Variants in CA9 observed in about 807,000 individuals in gnomAD.
CA9 encodes the protein CA-IX.
A neutral mutation model predicts 51.8 loss-of-function variants in CA9; 43 were observed. The observed-to-expected ratio is 0.83, with a 90% CI of 0.65 to 1.07. CA9 has a LOEUF of 1.07. CA9 is among the 50% of genes least tolerant of loss of function. The probability of loss-of-function intolerance (pLI) is 0.00; values close to 1 mark genes in which losing one functional copy is unlikely to be tolerated. For synonymous variants in CA9, 253 were observed against 244.2 expected, an observed-to-expected ratio of 1.04 and a Z score of -0.34; for missense variants, 574 against 581.4, an observed-to-expected ratio of 0.99 and a Z score of 0.13.
At chr9:35,679,727 C>A in intron 7 of CA9, 127 bp from the exon 8 acceptor site, 1 of 865,116 alleles carries the variant, frequency 1.2e-6, no homozygotes, top group South Asian at 1.9e-5. Context: ...TAAAAGAAAT[C>A]AAGAGGCTGG....
In CA9 at chr9:35,675,779, G is replaced by T. The variant is rs769826532; in HGVS notation, c.452G>T (p.Arg151Leu). ...WRYGGDPPWPRVSPACAGRFQ... is the reference protein window; with the variant it reads ...WRYGGDPPWPLVSPACAGRFQ... ...ACCCCAGGCGACCCGCCCTGGCCCCGGGTGTCCCCAGCCTGCGCGGGCCGC... is the reference window on the plus strand; with the variant it reads ...ACCCCAGGCGACCCGCCCTGGCCCCTGGTGTCCCCAGCCTGCGCGGGCCGC... The change falls in exon 3 of 11, where the codon CGG becomes CTG. Residue 151 changes from arginine (R) to leucine (L), a missense_variant. By Grantham distance (102) the Arg-to-Leu change is moderately radical. Transcript: ENST00000378357. 3.2e-5 allele frequency: 51 copies of T among 1,600,236 alleles called. No homozygotes were observed. The highest frequency in any genetic ancestry group is 4.0e-5 in the Non-Finnish European group (47 of 1,177,882).
chr9:35,675,115 A>AGCCAAGTAGCTG (rs886122169), intron 1 of CA9: 1 of 175,322 alleles, frequency 5.7e-6, no homozygotes, highest in African/African-American at 2.4e-5. Context: ...CTCAGCCTCT[A>AGCCAAGTAGCTG]GCCAAGTAGC....
intron 1 of CA9, 142 bp from the exon 2 acceptor site, chr9:35,675,396 C>G: frequency 1.1e-6 from 1 of 871,700 alleles, no homozygotes. Context: ...GGTGCGGTCT[C>G]CTGTGCTTTG....
At chr9:35,680,589 G>A (rs539948457) in intron 9 of CA9, 164 bp from the exon 10 acceptor site, 91 of 626,966 alleles carry the variant, frequency 1.5e-4, no homozygotes, top group South Asian at 1.2e-3. Context: ...ACCCCTTCTC[G>A]TGTATCCACC....
chr9:35,676,087 C>G lies in CA9; in HGVS notation c.628C>G (p.Leu210Val), dbSNP rs760311116. The change falls in exon 4 of 11, where the codon CTA becomes GTA. Residue 210 changes from leucine to valine, a missense_variant. Leu to Val is a conservative substitution (Grantham distance 32, BLOSUM62 1). Transcript: ENST00000378357. ...HSVQLTLPPGLEMALGPGREY... is the reference protein window; with the variant it reads ...HSVQLTLPPGVEMALGPGREY... The stretch of plus-strand genomic sequence containing the variant: ...AGTGCAACTGACCCTGCCTCCTGGG[C>G]TAGAGATGGCTCTGGGTCCCGGGCG... The G allele has an allele frequency of 3.1e-6, 5 of 1,613,604 alleles. No homozygotes were observed. The highest frequency in any genetic ancestry group is 4.2e-6 in the Non-Finnish European group (5 of 1,179,874).
chr9:35,678,694 TC>T (rs1444796177), intron 6 of CA9, among the ~76,000 whole-genome samples: 4 of 140,770 alleles, frequency 2.8e-5, no homozygotes, highest in East Asian at 1.9e-4. Flanking sequence ...TTTTTTCTTT[TC>T]TTTTCTTTTT....
At chr9:35,677,928 C>A in intron 6 of CA9, 72 bp downstream of exon 6, 1 of 1,344,664 alleles carries the variant, frequency 7.4e-7, no homozygotes, top group South Asian at 1.2e-5. Flanking sequence ...AGCTTCAGGT[C>A]TGAGGCTGGA....
chr9:35,680,660 G>A (rs1013436600), intron 9 of CA9, 93 bp from the exon 10 acceptor site: 10 of 1,011,146 alleles, frequency 9.9e-6, no homozygotes, highest in African/African-American at 6.3e-5. Context: ...GAGAACTCGG[G>A]GCAGGGGTGG....
Position 35,675,586 on chromosome 9 carries a change from GCA to G in CA9, c.433+22_433+23del, listed in dbSNP as rs756136383. 1 of 1,613,778 alleles carries G rather than the reference GCA, an allele frequency of 6.2e-7. No homozygotes were observed. Among genetic ancestry groups the G allele is most frequent in the Admixed American group, 1.7e-5 (1 of 60,030 alleles). The stretch of plus-strand genomic sequence containing the variant: ...TATGGAGGTGAGACACCCACCCGCT[GCA>G]CAGACCCAATCTGGGAACCCAGCTC... On this transcript the variant is annotated intron_variant, in intron 2 of 10. Transcript: ENST00000378357.
Position 35,677,777 on chromosome 9 carries a change from T to G in CA9, c.841-13T>G, listed in dbSNP as rs369280876. 9 of 1,612,508 alleles carry G rather than the reference T, an allele frequency of 5.6e-6. No individual in the cohort carries two copies. Among genetic ancestry groups the G allele is most frequent in the Non-Finnish European group, 7.6e-6 (9 of 1,178,588 alleles). ...ATACATGCACTCATCTGTCTTACAA[T>G]GTCATCCCCCAGGAGGGCCCGGAAG... On this transcript the variant is annotated splice_polypyrimidine_tract_variant and intron_variant, in intron 5 of 10. Coordinates refer to ENST00000378357, the MANE Select transcript of CA9 (RefSeq NM_001216.3).
rs143777802 is a variant in CA9, at chr9:35,674,143, G to C, written c.184G>C (p.Glu62Gln). ...GSSGEDDPLG[E>Q]EDLPSEEDSP... The stretch of plus-strand genomic sequence containing the variant: ...TTCTGGGGAAGATGACCCACTGGGC[G>C]AGGAGGATCTGCCCAGTGAAGAGGA... Residue 62 changes from glutamate to glutamine, a missense_variant, in exon 1 of 11, where the codon GAG (glutamate) becomes CAG (glutamine). Physicochemically the swap from Glu to Gln is conservative, Grantham distance 29. Coordinates refer to ENST00000378357, the MANE Select transcript of CA9 (RefSeq NM_001216.3). The C allele has an allele frequency of 1.1e-5, 17 of 1,614,040 alleles. No homozygotes were observed. Among genetic ancestry groups the C allele is most frequent in the Non-Finnish European group, 1.4e-5 (17 of 1,180,010 alleles).
At chr9:35,680,649 T>C in intron 9 of CA9, 104 bp from the exon 10 acceptor site, 1 of 899,184 alleles carries the variant, frequency 1.1e-6, no homozygotes, top group Non-Finnish European at 1.8e-6. Flanking sequence ...AGGGGCTGCC[T>C]GAGAACTCGG....
At position 35,681,034 on chromosome 9, in the gene CA9, T is replaced by C. The variant is rs1824541403; in HGVS notation, c.*9T>C. On this transcript the variant is annotated 3_prime_UTR_variant, in exon 11 of 11. Transcript: ENST00000378357. ...CCGAGACTGGAGCCTAGAGGCTGGA[T>C]CTTGGAGAATGTGAGAAGCCAGCCA... 6.2e-7 allele frequency: 1 copy of C among 1,613,118 alleles called. No individual in the cohort carries two copies. The highest frequency in any genetic ancestry group is 8.5e-7 in the Non-Finnish European group (1 of 1,179,720).
rs368598098 is a variant in CA9, at chr9:35,676,430, C to T, written c.840+41C>T. ...CACCCCCTACTCCCCGCTTTCCCAT[C>T]CCATGCTCCTCCCGGACTCTATCGT... is the stretch of plus-strand genomic sequence containing the variant. On this transcript the variant is annotated intron_variant, in intron 5 of 10. Transcript: ENST00000378357. The T allele has an allele frequency of 1.1e-3, 1,658 of 1,495,512 alleles. 3 individuals are homozygous for T. Among genetic ancestry groups the T allele is most frequent in the Non-Finnish European group, 1.4e-3 (1,533 of 1,079,782 alleles). 92.6% of individuals were successfully genotyped at this position (1,495,512 alleles called of 1,614,324 possible). A position where few individuals can be genotyped will look rare whatever the true frequency, so the allele number is the denominator to read the frequency against.
At position 35,675,785 on chromosome 9, in the gene CA9, C is replaced by T. The variant is rs1240996447; in HGVS notation, c.458C>T (p.Ser153Phe). The change falls in exon 3 of 11, where the codon TCC (serine) becomes TTC (phenylalanine). Residue 153 changes from serine to phenylalanine, a missense_variant. Transcript: ENST00000378357. ...YGGDPPWPRV[S>F]PACAGRFQSP... ...GGCGACCCGCCCTGGCCCCGGGTGT[C>T]CCCAGCCTGCGCGGGCCGCTTCCAG... The T allele has an allele frequency of 6.2e-7, 1 of 1,602,828 alleles. No individual in the cohort carries two copies. The highest frequency in any genetic ancestry group is 8.5e-7 in the Non-Finnish European group (1 of 1,179,256).
chr9:35,680,075 G>A, intron 8 of CA9, 38 bp from the exon 9 acceptor site: 1 of 1,614,144 alleles, frequency 6.2e-7, no homozygotes, highest in Non-Finnish European at 8.5e-7. Flanking sequence ...GTCATTGGTG[G>A]TCACAGCCCG....
At position 35,681,064 on chromosome 9, in the gene CA9, C is replaced by T. The variant is rs375827172; in HGVS notation, c.*39C>T. 3.0e-5 allele frequency: 48 copies of T among 1,583,178 alleles called. No homozygotes were observed. Among genetic ancestry groups the T allele is most frequent in the Non-Finnish European group, 4.0e-5 (46 of 1,155,630 alleles). ...GAGAATGTGAGAAGCCAGCCAGAGG[C>T]ATCTGAGGGGGAGCCGGTAACTGTC... is the stretch of plus-strand genomic sequence containing the variant. On this transcript the variant is annotated 3_prime_UTR_variant, in exon 11 of 11. Coordinates refer to ENST00000378357, the MANE Select transcript of CA9 (RefSeq NM_001216.3).
At chr9:35,679,481 T>G in intron 7 of CA9, 139 bp downstream of exon 7, 1 of 1,105,488 alleles carries the variant, frequency 9.0e-7, no homozygotes, top group Non-Finnish European at 1.3e-6. Context: ...GAGGCTGAGG[T>G]GGGAGAATGG....
At position 35,680,880 on chromosome 9, in the gene CA9, G is replaced by T. The variant is rs1824535986; in HGVS notation, c.1319+46G>T. ...TCAGGCACAAGCTTCCCCCACCCTTGTGGAGTCACTTCATGCAAAGCGCAT... is the reference window on the plus strand; with the variant it reads ...TCAGGCACAAGCTTCCCCCACCCTTTTGGAGTCACTTCATGCAAAGCGCAT... On this transcript the variant is annotated intron_variant, in intron 10 of 10. Transcript: ENST00000378357. 5 of 1,611,456 alleles carry T rather than the reference G, an allele frequency of 3.1e-6. No individual in the cohort carries two copies. The Middle Eastern group carries it at 5.0e-4, about 160-fold the overall frequency.
Sources: allele counts gnomAD v4.1 joint callset (sites outside exome capture counted in the v4.1 genomes callset), GRCh38; gene constraint gnomAD v4.1.1; transcripts MANE v1.5; gene names NCBI Gene and HGNC (gene_info 2026-07-23, HGNC 2026-07-21).